Variants in RALGAPA1 observed in about 807,000 individuals in gnomAD.
The protein encoded by RALGAPA1 is ral GTPase-activating protein subunit alpha-1.
In RALGAPA1, 52 loss-of-function variants were observed where a neutral mutation model predicts 269.6. That is an observed-to-expected ratio of 0.19 (90% CI 0.15 to 0.24). The LOEUF is 0.24. RALGAPA1 is among the 10% of genes least tolerant of loss of function. The probability of loss-of-function intolerance (pLI) is 1.00; values close to 1 mark genes in which losing one functional copy is unlikely to be tolerated. For missense variants in RALGAPA1, 1,917 were observed against 3,013.9 expected, an observed-to-expected ratio of 0.64 and a Z score of 8.52; for synonymous variants, 817 against 1,008.3, an observed-to-expected ratio of 0.81 and a Z score of 3.60.
At chr14:35,684,290 C>T (rs922570008) in intron 20 of RALGAPA1, among the ~76,000 whole-genome samples, 1 of 152,030 alleles carries the variant, frequency 6.6e-6, no homozygotes, top group African/African-American at 2.4e-5. Context: ...CTGCCAAGTG[C>T]AATATAGAAT....
chr14:35,638,997 AAG>A (rs55949757), intron 31 of RALGAPA1, among the ~76,000 whole-genome samples: 16,482 of 152,172 alleles, frequency 0.11, 997 homozygotes, highest in South Asian at 0.13. Flanking sequence ...ACTCAATCAA[AAG>A]AGAGAGTGGC....
At chr14:35,588,235 T>C (rs2058432250) in intron 37 of RALGAPA1, among the ~76,000 whole-genome samples, 1 of 152,216 alleles carries the variant, frequency 6.6e-6, no homozygotes, top group African/African-American at 2.4e-5. Context: ...GGCCAACAAC[T>C]CTTAAATGGT....
rs775771328 is a variant in RALGAPA1, at chr14:35,808,840, T to C, written c.-5A>G. 6.2e-7 allele frequency: 1 copy of C among 1,604,212 alleles called. No homozygotes were observed. The stretch of plus-strand genomic sequence containing the variant: ...GTGCGGCTTCTTGGAGAACATCCTG[T>C]CGCTGCCACTGCCACTGCCACTGCC... On this transcript the variant is annotated 5_prime_UTR_variant, in exon 1 of 42. Transcript: ENST00000680220.
intron 39 of RALGAPA1, among the ~76,000 whole-genome samples, chr14:35,569,030 T>C (rs1172540249): frequency 6.6e-6 from 1 of 152,138 alleles, no homozygotes; most frequent in Non-Finnish European, 1.5e-5. Flanking sequence ...ATATAAATGC[T>C]ATGAAAAAGA....
chr14:35,793,579 A>G (rs192413923), intron 1 of RALGAPA1, among the ~76,000 whole-genome samples: 6 of 145,360 alleles, frequency 4.1e-5, no homozygotes, highest in African/African-American at 1.3e-4. Flanking sequence ...GAGAAGAGAC[A>G]TTAGATACAC....
intron 36 of RALGAPA1, among the ~76,000 whole-genome samples, chr14:35,596,018 T>G (rs573702237): frequency 1.3e-5 from 2 of 152,206 alleles, no homozygotes; most frequent in South Asian, 4.1e-4. Context: ...TCAACTGCTG[T>G]GTACTATGCA....
chr14:35,564,686 TC>T (rs2139358194), intron 39 of RALGAPA1, among the ~76,000 whole-genome samples: 1 of 152,292 alleles, frequency 6.6e-6, no homozygotes, highest in South Asian at 2.1e-4. Flanking sequence ...AATAAAGTAT[TC>T]TTTTAAAATG....
chr14:35,720,877 G>C (rs1216439580), intron 16 of RALGAPA1, among the ~76,000 whole-genome samples: 1 of 152,126 alleles, frequency 6.6e-6, no homozygotes, highest in African/African-American at 2.4e-5. Context: ...GGGCTGCAGT[G>C]AGCTATGATC....
At chr14:35,672,714 AG>A (rs1427030996) in intron 25 of RALGAPA1, among the ~76,000 whole-genome samples, 152 bp downstream of exon 25, 16 of 152,222 alleles carry the variant, frequency 1.1e-4, no homozygotes, top group African/African-American at 3.9e-4. Flanking sequence ...AGAACAAATA[AG>A]GTCATAAAAT....
chr14:35,597,615 G>A (rs547421354), intron 36 of RALGAPA1, among the ~76,000 whole-genome samples: 3 of 152,208 alleles, frequency 2.0e-5, no homozygotes, highest in South Asian at 4.2e-4. Context: ...GGATACTGAC[G>A]ACATTGATAT....
chr14:35,789,444 T>G (rs2076006478), intron 1 of RALGAPA1, among the ~76,000 whole-genome samples: 1 of 151,582 alleles, frequency 6.6e-6, no homozygotes, highest in South Asian at 2.1e-4. Context: ...AAATACAAAA[T>G]AGTCAGGGGT....
chr14:35,705,228 T>G (rs971799251), intron 16 of RALGAPA1, among the ~76,000 whole-genome samples: 1 of 152,196 alleles, frequency 6.6e-6, no homozygotes, highest in African/African-American at 2.4e-5. Flanking sequence ...TTCTATGGGT[T>G]TTGAGAAAGT....
chr14:35,803,715 C>T (rs1235414894), intron 1 of RALGAPA1, among the ~76,000 whole-genome samples: 2 of 151,686 alleles, frequency 1.3e-5, no homozygotes, highest in Non-Finnish European at 2.9e-5. Flanking sequence ...CACTGCAAAC[C>T]TCCACCTCCC....
chr14:35,579,426 C>T (rs900160239), intron 37 of RALGAPA1, among the ~76,000 whole-genome samples: 10 of 151,850 alleles, frequency 6.6e-5, no homozygotes, highest in Admixed American at 2.0e-4. Flanking sequence ...GTCAAGAGAT[C>T]GAGACCATCC....
intron 17 of RALGAPA1, among the ~76,000 whole-genome samples, chr14:35,697,772 G>A (rs563150404): frequency 7.2e-5 from 11 of 151,726 alleles, no homozygotes; most frequent in Non-Finnish European, 5.9e-5. Flanking sequence ...CTAAATTTAC[G>A]TATCAGCTTG....
At chr14:35,657,918 C>T (rs968017280) in intron 28 of RALGAPA1, among the ~76,000 whole-genome samples, 4 of 151,968 alleles carry the variant, frequency 2.6e-5, no homozygotes, top group Non-Finnish European at 5.9e-5. Flanking sequence ...AGAGGTATCA[C>T]AAAATTCAAT....
At chr14:35,590,901 T>C (rs551774416) in intron 37 of RALGAPA1, among the ~76,000 whole-genome samples, 1 of 152,338 alleles carries the variant, frequency 6.6e-6, no homozygotes, top group South Asian at 2.1e-4. Flanking sequence ...CATTTAGTAA[T>C]AGTTTTGGAT....
In RALGAPA1 at chr14:35,654,493, A is replaced by T. The variant is rs200964432; in HGVS notation, c.5497-16T>A. 2.5e-6 allele frequency: 4 copies of T among 1,570,564 alleles called. No individual in the cohort carries two copies. In the East Asian group the frequency reaches 9.1e-5, roughly 36 times the overall value. On this transcript the variant is annotated splice_polypyrimidine_tract_variant and intron_variant, in intron 29 of 41. Transcript: ENST00000680220. Reference sequence around the variant, plus strand: ...TATTAGTAAACTGCAATAATAAAAAAAAAGTTTTAAAAATTTTCATGATGA... The same window carrying T: ...TATTAGTAAACTGCAATAATAAAAATAAAGTTTTAAAAATTTTCATGATGA...
At chr14:35,672,018 A>G (rs1162799497) in intron 25 of RALGAPA1, among the ~76,000 whole-genome samples, 2 of 152,192 alleles carry the variant, frequency 1.3e-5, no homozygotes, top group African/African-American at 2.4e-5. Flanking sequence ...TCCTAACTTC[A>G]TTATTCATTT....
Sources: allele counts gnomAD v4.1 joint callset (sites outside exome capture counted in the v4.1 genomes callset), GRCh38; gene constraint gnomAD v4.1.1; transcripts MANE v1.5; gene names NCBI Gene and HGNC (gene_info 2026-07-23, HGNC 2026-07-21).